ARK2C: variants seen among roughly 807,000 people sequenced by gnomAD.
ARK2C encodes E3 ubiquitin-protein ligase ARK2C.
At chr18:46,370,507 T>C in the ARK2C span, among the ~76,000 whole-genome samples, 9 of 152,134 alleles carry the variant, frequency 5.9e-5, no homozygotes, top group African/African-American at 2.2e-4. Context: ...AGGAATGACT[T>C]TTCTGTCCTT....
At chr18:46,416,067 G>T in the ARK2C span, among the ~76,000 whole-genome samples, 4 of 152,138 alleles carry the variant, frequency 2.6e-5, no homozygotes, top group Non-Finnish European at 4.4e-5. Flanking sequence ...ACATGTCATG[G>T]GGGTGGAGAG....
chr18:46,456,216 T>C, the ARK2C span: 1 of 664,170 alleles, frequency 1.5e-6, no homozygotes, highest in South Asian at 1.8e-5. Context: ...ATGTGCTTCA[T>C]GGTTGCCCTG....
chr18:46,336,194 A>T, the ARK2C span: 1 of 985,302 alleles, frequency 1.0e-6, no homozygotes, highest in Non-Finnish European at 1.2e-6. Flanking sequence ...CTAGGCAGAA[A>T]TTCAAAAATG....
At chr18:46,435,260 A>G in the ARK2C span, 3 of 1,598,830 alleles carry the variant, frequency 1.9e-6, no homozygotes, top group Non-Finnish European at 2.6e-6. Flanking sequence ...AGCCCCTGAC[A>G]CGAGGGCTCT....
the ARK2C span, among the ~76,000 whole-genome samples, chr18:46,397,548 TG>T: frequency 1.0e-5 from 1 of 99,430 alleles, no homozygotes; most frequent in South Asian, 3.5e-4. Flanking sequence ...GGGGTCATGC[TG>T]GGGTGTGAGG....
At chr18:46,450,847 G>A in the ARK2C span, 1 of 1,410,746 alleles carries the variant, frequency 7.1e-7, no homozygotes, top group Non-Finnish European at 1.0e-6. Flanking sequence ...ATGGGGCAGG[G>A]GGGTTGTCTA....
At chr18:46,452,710 C>T in the ARK2C span, among the ~76,000 whole-genome samples, 1 of 152,104 alleles carries the variant, frequency 6.6e-6, no homozygotes, top group Non-Finnish European at 1.5e-5. Flanking sequence ...GCTTGACAAA[C>T]ATTAAGAATC....
the ARK2C span, among the ~76,000 whole-genome samples, chr18:46,402,329 T>C: frequency 1.4e-5 from 2 of 147,992 alleles, no homozygotes; most frequent in African/African-American, 5.3e-5. Flanking sequence ...CCTCTAAATC[T>C]GATTTTCTCA....
chr18:46,404,978 C>T, the ARK2C span, among the ~76,000 whole-genome samples: 1 of 152,100 alleles, frequency 6.6e-6, no homozygotes, highest in Admixed American at 6.5e-5. Flanking sequence ...CCGTTTGGCT[C>T]CAAAGTCTCT....
At chr18:46,414,769 C>T in the ARK2C span, among the ~76,000 whole-genome samples, 1 of 152,166 alleles carries the variant, frequency 6.6e-6, no homozygotes, top group East Asian at 1.9e-4. Flanking sequence ...CTCCTTTGCC[C>T]CAGTGCGGAG....
chr18:46,436,939 G>A, the ARK2C span, among the ~76,000 whole-genome samples: 1 of 152,218 alleles, frequency 6.6e-6, no homozygotes, highest in Non-Finnish European at 1.5e-5. Flanking sequence ...AGGGCCTACA[G>A]GGAAGTGGGA....
At chr18:46,455,043 A>C in the ARK2C span, among the ~76,000 whole-genome samples, 9 of 152,230 alleles carry the variant, frequency 5.9e-5, no homozygotes, top group Admixed American at 2.6e-4. Flanking sequence ...CTATTTTCAA[A>C]TAATCAGCAT....
the ARK2C span, among the ~76,000 whole-genome samples, chr18:46,431,688 C>T: frequency 6.6e-6 from 1 of 152,216 alleles, no homozygotes; most frequent in African/African-American, 2.4e-5. Flanking sequence ...GGGTCAACCC[C>T]CACTCCTATT....
chr18:46,416,807 A>G, the ARK2C span, among the ~76,000 whole-genome samples: 1 of 152,212 alleles, frequency 6.6e-6, no homozygotes, highest in East Asian at 1.9e-4. Flanking sequence ...TAGAGGCAGG[A>G]GACCAAGAGA....
chr18:46,426,595 C>A, the ARK2C span, among the ~76,000 whole-genome samples: 6 of 152,184 alleles, frequency 3.9e-5, no homozygotes, highest in Non-Finnish European at 8.8e-5. Flanking sequence ...TATGGTACAG[C>A]TCCTGGCCAA....
At chr18:46,382,640 C>T in the ARK2C span, among the ~76,000 whole-genome samples, 1 of 152,224 alleles carries the variant, frequency 6.6e-6, no homozygotes, top group African/African-American at 2.4e-5. Flanking sequence ...CCCAACCATC[C>T]TCTGTCTATT....
At chr18:46,344,572 A>C in the ARK2C span, among the ~76,000 whole-genome samples, 1 of 152,170 alleles carries the variant, frequency 6.6e-6, no homozygotes, top group African/African-American at 2.4e-5. Flanking sequence ...CTTAAGCCGA[A>C]GGATGGCCCT....
chr18:46,355,734 C>T, the ARK2C span, among the ~76,000 whole-genome samples: 1 of 99,650 alleles, frequency 1.0e-5, no homozygotes, highest in Non-Finnish European at 2.6e-5. Context: ...TGTGGCTCCC[C>T]TCTATCTCTC....
At chr18:46,447,793 CT>C in the ARK2C span, 5 of 1,411,290 alleles carry the variant, frequency 3.5e-6, no homozygotes, top group Non-Finnish European at 5.0e-6. Context: ...CCTGGCTCCC[CT>C]GTATCCTTGG....
Sources: allele counts gnomAD v4.1 joint callset (sites outside exome capture counted in the v4.1 genomes callset), GRCh38; gene constraint gnomAD v4.1.1; transcripts MANE v1.5; gene names NCBI Gene and HGNC (gene_info 2026-07-23, HGNC 2026-07-21).